TOX: variants seen among roughly 807,000 people sequenced by gnomAD.
The protein encoded by TOX is thymocyte selection associated high mobility group box.
TOX carries 11 observed loss-of-function variants against 53.7 expected under a neutral mutation model. That is an observed-to-expected ratio of 0.20 (90% CI 0.13 to 0.34). The LOEUF (loss-of-function observed/expected upper bound fraction) is 0.34, where lower values mean the gene tolerates loss of function less well. Among genes scored for constraint, TOX ranks in the 10% least tolerant of loss-of-function variants. The pLI is 1.00. For missense variants in TOX, 570 were observed against 664.6 expected (o/e 0.86, Z 1.56); for synonymous variants, 225 against 245.3 (o/e 0.92, Z 0.77).
intron 3 of TOX, among the ~76,000 whole-genome samples, chr8:58,867,036 A>G (rs1811115103): frequency 6.6e-6 from 1 of 152,220 alleles, no homozygotes; most frequent in East Asian, 1.9e-4. Flanking sequence ...AGCCTATTAT[A>G]GGAGAACAAG....
intron 5 of TOX, among the ~76,000 whole-genome samples, chr8:58,827,950 T>C (rs1304790187): frequency 6.6e-6 from 1 of 152,228 alleles, no homozygotes; most frequent in Non-Finnish European, 1.5e-5. Context: ...TTGATACAGC[T>C]ATTTTAAATT....
intron 1 of TOX, among the ~76,000 whole-genome samples, chr8:58,972,140 G>T (rs1462563140): frequency 6.6e-6 from 1 of 152,120 alleles, no homozygotes; most frequent in African/African-American, 2.4e-5. Flanking sequence ...ATATATATGT[G>T]CATGTAAGCA....
intron 3 of TOX, among the ~76,000 whole-genome samples, chr8:58,876,470 G>A (rs984523113): frequency 6.6e-6 from 1 of 152,008 alleles, no homozygotes; most frequent in Non-Finnish European, 1.5e-5. Flanking sequence ...TGCTGGGGTG[G>A]GGGGAAAGGA....
At chr8:59,024,344 A>T (rs987231886) in intron 1 of TOX, among the ~76,000 whole-genome samples, 4 of 152,218 alleles carry the variant, frequency 2.6e-5, no homozygotes, top group Non-Finnish European at 4.4e-5. Flanking sequence ...CGCTTTACTA[A>T]AAAGCTTATA....
intron 4 of TOX, among the ~76,000 whole-genome samples, chr8:58,845,869 T>A (rs1366803997): frequency 1.3e-5 from 2 of 152,080 alleles, no homozygotes; most frequent in Non-Finnish European, 2.9e-5. Context: ...CTGGTTAAAT[T>A]TATCAATTTT....
intron 3 of TOX, among the ~76,000 whole-genome samples, chr8:58,866,463 A>G (rs1038696090): frequency 4.6e-5 from 7 of 152,372 alleles, no homozygotes; most frequent in African/African-American, 1.7e-4. Context: ...ATTGCAACAA[A>G]GTAACTGATA....
At chr8:59,036,407 TCTCA>T (rs1814459443) in intron 1 of TOX, among the ~76,000 whole-genome samples, 2 of 152,212 alleles carry the variant, frequency 1.3e-5, no homozygotes, top group South Asian at 4.1e-4. Context: ...CGGCCTCTTG[TCTCA>T]CTCAATGAGG....
At chr8:58,838,395 G>T in intron 4 of TOX, 84 bp from the exon 5 acceptor site, 2 of 1,047,950 alleles carry the variant, frequency 1.9e-6, no homozygotes, top group Non-Finnish European at 2.9e-6. Context: ...TTGAGACTTA[G>T]ACACATACCC....
intron 1 of TOX, among the ~76,000 whole-genome samples, chr8:59,043,102 C>G (rs1803621547): frequency 6.6e-6 from 1 of 152,058 alleles, no homozygotes; most frequent in African/African-American, 2.4e-5. Context: ...ACTTCCAGCC[C>G]CCAGCCTCCG....
chr8:58,995,824 G>C (rs1383954704), intron 1 of TOX, among the ~76,000 whole-genome samples: 1 of 152,150 alleles, frequency 6.6e-6, no homozygotes, highest in Non-Finnish European at 1.5e-5. Flanking sequence ...TTACCAACAG[G>C]TAAAATATCA....
intron 1 of TOX, among the ~76,000 whole-genome samples, chr8:59,072,308 A>T (rs971874862): frequency 1.3e-5 from 2 of 152,198 alleles, no homozygotes; most frequent in African/African-American, 2.4e-5. Context: ...TGACTAAAAA[A>T]ATCTTTCCGC....
intron 3 of TOX, among the ~76,000 whole-genome samples, chr8:58,931,801 T>C (rs1413558764): frequency 6.6e-6 from 1 of 152,168 alleles, no homozygotes; most frequent in Non-Finnish European, 1.5e-5. Flanking sequence ...CTTTCATGCA[T>C]GGGTGAGGCA....
chr8:58,987,327 A>G (rs1370620310), intron 1 of TOX, among the ~76,000 whole-genome samples: 1 of 152,228 alleles, frequency 6.6e-6, no homozygotes, highest in Non-Finnish European at 1.5e-5. Context: ...AAGCAAATGC[A>G]GGTGGCCAAA....
At chr8:58,825,971 G>A (rs908701876) in intron 6 of TOX, among the ~76,000 whole-genome samples, 1 of 152,144 alleles carries the variant, frequency 6.6e-6, no homozygotes, top group Non-Finnish European at 1.5e-5. Flanking sequence ...TAGACAAATA[G>A]TTTACTGAAA....
At chr8:59,066,695 T>A (rs1804100100) in intron 1 of TOX, among the ~76,000 whole-genome samples, 1 of 152,200 alleles carries the variant, frequency 6.6e-6, no homozygotes, top group Non-Finnish European at 1.5e-5. Flanking sequence ...TGTGTAATAT[T>A]AAACTGAACT....
chr8:58,962,200 G>T (rs1262706114), intron 1 of TOX, among the ~76,000 whole-genome samples: 1 of 152,200 alleles, frequency 6.6e-6, no homozygotes, highest in Non-Finnish European at 1.5e-5. Context: ...AGTACATTCA[G>T]TGTTACTGCT....
intron 1 of TOX, among the ~76,000 whole-genome samples, chr8:59,016,464 T>TACAGAA (rs1212762993): frequency 6.6e-6 from 1 of 152,198 alleles, no homozygotes; most frequent in Non-Finnish European, 1.5e-5. Context: ...AAATGTCAAT[T>TACAGAA]ACAGAAACAC....
intron 1 of TOX, among the ~76,000 whole-genome samples, chr8:58,973,207 C>CAT (rs1174972916): frequency 1.2e-4 from 18 of 152,280 alleles, no homozygotes; most frequent in South Asian, 4.2e-4. Flanking sequence ...TTTAGATGCA[C>CAT]GACAGGAAAT....
intron 3 of TOX, among the ~76,000 whole-genome samples, chr8:58,878,735 A>G (rs1329859979): frequency 2.0e-5 from 3 of 152,142 alleles, no homozygotes; most frequent in Non-Finnish European, 4.4e-5. Flanking sequence ...AGAATATATT[A>G]TTTGCCAGCA....
Sources: gnomAD v4.1 joint callset for allele counts (sites outside exome capture counted in the v4.1 genomes callset) on GRCh38, gnomAD v4.1.1 for gene constraint, MANE v1.5 for transcripts, NCBI Gene and HGNC (gene_info 2026-07-23, HGNC 2026-07-21) for gene names.